WDR72: variants seen among roughly 807,000 people sequenced by gnomAD.
WDR72 encodes WD repeat domain 72.
Under a neutral mutation model 124.2 loss-of-function variants are expected in WDR72, and 120 were observed. The ratio of observed to expected loss-of-function variants is 0.97; its 90% CI spans 0.83 to 1.12. The LOEUF (loss-of-function observed/expected upper bound fraction) is 1.12. Ranked by LOEUF, WDR72 falls within the 50% of genes most tolerant of loss-of-function variation. The probability of loss-of-function intolerance (pLI) is 0.00; values close to 1 mark genes in which losing one functional copy is unlikely to be tolerated. For synonymous variants in WDR72, 452 were observed against 441.7 expected (o/e 1.02, Z -0.29); for missense variants, 1,387 against 1,278.8 (o/e 1.08, Z -1.29).
At position 53,601,541 on chromosome 15, in the gene WDR72, C is replaced by T. The variant is rs148817384; in HGVS notation, c.2953-4267G>A. 2.7e-3 allele frequency among the ~76,000 whole-genome samples: 405 copies of T among 152,012 alleles called. 1 individual carries two copies. Among genetic ancestry groups the T allele is most frequent in the African/African-American group, 9.5e-3 (395 of 41,482 alleles). On this transcript the variant is annotated intron_variant, in intron 17 of 19. Coordinates refer to ENST00000360509, the MANE Select transcript of WDR72 (RefSeq NM_182758.4). ...CCTTAAATGTAAATGGACTGAATGCCGCAATTAAATGACACAGAGTGGTAA... is the reference window on the plus strand; with the variant it reads ...CCTTAAATGTAAATGGACTGAATGCTGCAATTAAATGACACAGAGTGGTAA...
In WDR72 at chr15:53,714,491, TACC is replaced by T; in HGVS notation, c.531_533del (p.Val178del). 1 of 1,613,698 alleles carries T rather than the reference TACC, an allele frequency of 6.2e-7. No homozygotes were observed. ...ATACTTTGAGCTCACCAGCTACTGATACCACCAAGAGAGAATCTTCTGTGAAAA... is the reference window on the plus strand; with the variant it reads ...ATACTTTGAGCTCACCAGCTACTGATACCAAGAGAGAATCTTCTGTGAAAA... On this transcript the variant is annotated inframe_deletion, in exon 6 of 20. Coordinates refer to ENST00000360509, the MANE Select transcript of WDR72 (RefSeq NM_182758.4).
chr15:53,626,176 G>A (rs140962554), intron 14 of WDR72, among the ~76,000 whole-genome samples: 2,637 of 152,244 alleles, frequency 0.017, 81 homozygotes, highest in African/African-American at 0.06. Context: ...GGCAAGCCTC[G>A]TGTTCTCTGA....
rs1175398592 is a variant in WDR72, at chr15:53,544,668, T to C, written c.3149-21346A>G. ...TGTTGGAAGTTCTGGCCAGGGCAAT[T>C]AGGCAGGAGAAGGAAATAAAGGGTA... On this transcript the variant is annotated intron_variant, in intron 18 of 19. Transcript: ENST00000360509. Among the ~76,000 whole-genome samples the C allele has an allele frequency of 2.8e-5, 4 of 145,216 alleles. No homozygotes were observed. The East Asian group carries it at 8.0e-4, about 29-fold the overall frequency.
intron 18 of WDR72, among the ~76,000 whole-genome samples, chr15:53,551,654 A>G (rs1893734159): frequency 6.6e-6 from 1 of 152,206 alleles, no homozygotes; most frequent in African/African-American, 2.4e-5. Flanking sequence ...AGTCCTATGT[A>G]TAAATCACAG....
chr15:53,637,083 TAATAAAATCACTC>T (rs781165226), intron 14 of WDR72, among the ~76,000 whole-genome samples: 26 of 152,160 alleles, frequency 1.7e-4, no homozygotes, highest in Admixed American at 5.9e-4. Context: ...CATTTCATTA[TAATAAAATCACTC>T]AATATGTGGA....
chr15:53,700,874 G>A (rs907475092), intron 12 of WDR72, among the ~76,000 whole-genome samples: 1 of 152,066 alleles, frequency 6.6e-6, no homozygotes, highest in African/African-American at 2.4e-5. Flanking sequence ...TGGAGAACCT[G>A]CCCATCCCAC....
chr15:53,688,126 G>A lies in WDR72; in HGVS notation c.1765+11624C>T, dbSNP rs935338399. On this transcript the variant is annotated intron_variant, in intron 13 of 19. Coordinates refer to ENST00000360509, the MANE Select transcript of WDR72 (RefSeq NM_182758.4). ...ATATCATACTGAATGGGCAAAAACT[G>A]GAAGCATTCCCTTTGAAAAGTGGCA... 2.7e-4 allele frequency among the ~76,000 whole-genome samples: 41 copies of A among 150,064 alleles called. 1 individual carries two copies. The highest frequency in any genetic ancestry group is 1.4e-3 in the Admixed American group (22 of 15,200).
chr15:53,651,257 A>G (rs770703381), intron 14 of WDR72, among the ~76,000 whole-genome samples: 3 of 152,306 alleles, frequency 2.0e-5, no homozygotes, highest in Middle Eastern at 3.4e-3. Flanking sequence ...CAAACAGTAT[A>G]AATCCTACCT....
At chr15:53,583,026 T>C (rs2012013077) in intron 18 of WDR72, among the ~76,000 whole-genome samples, 1 of 151,980 alleles carries the variant, frequency 6.6e-6, no homozygotes, top group Non-Finnish European at 1.5e-5. Context: ...TAAATGAGTT[T>C]ACTGTCTTGT....
chr15:53,718,567 T>C (rs689832), intron 3 of WDR72, among the ~76,000 whole-genome samples: 7,577 of 152,118 alleles, frequency 0.05, 634 homozygotes, highest in African/African-American at 0.17. Context: ...GAAAGCAAAT[T>C]TGTGGTGTAT....
At chr15:53,686,500 A>G (rs1299734632) in intron 13 of WDR72, among the ~76,000 whole-genome samples, 2 of 151,844 alleles carry the variant, frequency 1.3e-5, no homozygotes, top group African/African-American at 4.9e-5. Context: ...CAATTCAACA[A>G]GAAGAGCTAA....
At chr15:53,747,133 G>C (rs2018662588) in intron 1 of WDR72, among the ~76,000 whole-genome samples, 1 of 152,182 alleles carries the variant, frequency 6.6e-6, no homozygotes, top group Admixed American at 6.5e-5. Flanking sequence ...GAACATACCA[G>C]TCCAAGCTGG....
chr15:53,706,947 C>T (rs1230465084), intron 9 of WDR72, among the ~76,000 whole-genome samples: 3 of 152,100 alleles, frequency 2.0e-5, no homozygotes, highest in African/African-American at 7.2e-5. Context: ...GCTATGCCTT[C>T]ACTCATGAAT....
intron 18 of WDR72, among the ~76,000 whole-genome samples, chr15:53,538,183 G>T (rs1291216544): frequency 6.6e-6 from 1 of 152,126 alleles, no homozygotes; most frequent in Non-Finnish European, 1.5e-5. Context: ...TAGCCTTTTA[G>T]AGAACTGATT....
chr15:53,729,486 G>GAAAAA (rs34023714), intron 2 of WDR72, among the ~76,000 whole-genome samples: 2 of 148,850 alleles, frequency 1.3e-5, no homozygotes, highest in African/African-American at 2.5e-5. Context: ...TCTATCTAGT[G>GAAAAA]AAAAAAAAAC....
chr15:53,678,690 CCT>C (rs1319062307), intron 13 of WDR72, among the ~76,000 whole-genome samples: 5 of 152,084 alleles, frequency 3.3e-5, no homozygotes, highest in African/African-American at 1.2e-4. Flanking sequence ...TTTTTGGTCC[CCT>C]GTCTGGTAAA....
intron 14 of WDR72, among the ~76,000 whole-genome samples, chr15:53,642,926 T>C (rs2014907206): frequency 6.6e-6 from 1 of 152,038 alleles, no homozygotes; most frequent in Admixed American, 6.6e-5. Context: ...CTGGGAACTG[T>C]GTTACCTCCC....
At chr15:53,545,604 G>C (rs1203128406) in intron 18 of WDR72, among the ~76,000 whole-genome samples, 3 of 151,650 alleles carry the variant, frequency 2.0e-5, no homozygotes, top group Admixed American at 1.3e-4. Flanking sequence ...TAGGCATGGG[G>C]AAGGATTTCA....
At chr15:53,589,773 T>A (rs541059236) in intron 18 of WDR72, among the ~76,000 whole-genome samples, 1 of 152,038 alleles carries the variant, frequency 6.6e-6, no homozygotes, top group Admixed American at 6.6e-5. Context: ...AAAAAGATGA[T>A]GAAATATTCC....
Sources: allele counts gnomAD v4.1 joint callset (sites outside exome capture counted in the v4.1 genomes callset), GRCh38; gene constraint gnomAD v4.1.1; transcripts MANE v1.5; gene names NCBI Gene and HGNC (gene_info 2026-07-23, HGNC 2026-07-21).